Variants in CORIN observed in about 807,000 individuals in gnomAD.
CORIN encodes corin, serine peptidase.
A neutral mutation model predicts 125.3 loss-of-function variants in CORIN; 117 were observed. The ratio of observed to expected loss-of-function variants is 0.93; its 90% CI spans 0.80 to 1.09. The LOEUF (loss-of-function observed/expected upper bound fraction) is 1.09. Among genes scored for constraint, CORIN ranks in the 50% least tolerant of loss-of-function variants. CORIN has a pLI of 0.00. For synonymous variants in CORIN, 450 were observed against 466.4 expected (o/e 0.96, Z 0.45); for missense variants, 1,253 against 1,306.7 (o/e 0.96, Z 0.63).
Position 47,595,758 on chromosome 4 carries a change from T to C in CORIN, c.3092A>G (p.Lys1031Arg). 6.2e-7 allele frequency: 1 copy of C among 1,612,346 alleles called. No homozygotes were observed. Among genetic ancestry groups the C allele is most frequent in the African/African-American group, 1.3e-5 (1 of 74,870 alleles). ...SNVSYFVEWI[K>R]RQIYIQTFLL... ...AAAGGTCTGGATGTAAATCTGTCTT[T>C]TAATCCATTCGACGAAATATGACAC... Residue 1031 changes from lysine to arginine, a missense_variant, in exon 22 of 22, where the codon AAA becomes AGA. Transcript: ENST00000273857.
At chr4:47,763,625 T>A in intron 3 of CORIN, 39 bp from the exon 4 acceptor site, 1 of 1,531,408 alleles carries the variant, frequency 6.5e-7, no homozygotes, top group Non-Finnish European at 9.0e-7. Context: ...AGTGGACACA[T>A]CAGAAGTATA....
chr4:47,616,480 C>A (rs1354227401), intron 19 of CORIN, among the ~76,000 whole-genome samples: 1 of 152,022 alleles, frequency 6.6e-6, no homozygotes, highest in Non-Finnish European at 1.5e-5. Flanking sequence ...AAGAGTTAGT[C>A]TCTGACATAT....
chr4:47,675,998 G>T (rs1214700776), intron 9 of CORIN, among the ~76,000 whole-genome samples: 3 of 152,138 alleles, frequency 2.0e-5, no homozygotes, highest in Non-Finnish European at 4.4e-5. Flanking sequence ...ACATGCAAAG[G>T]CCTAGAATAG....
intron 2 of CORIN, among the ~76,000 whole-genome samples, chr4:47,797,066 G>A (rs1731321352): frequency 6.6e-6 from 1 of 151,940 alleles, no homozygotes; most frequent in Non-Finnish European, 1.5e-5. Flanking sequence ...ATAGCACACT[G>A]TGTTGCATAT....
chr4:47,786,272 C>A (rs138782566), intron 3 of CORIN, among the ~76,000 whole-genome samples: 1 of 152,038 alleles, frequency 6.6e-6, no homozygotes, highest in South Asian at 2.1e-4. Flanking sequence ...CGGTGGCTCA[C>A]GCCTGTAATC....
chr4:47,786,789 G>A lies in CORIN; in HGVS notation c.345C>T (p.Asp115=), dbSNP rs1324799025. The part of the protein sequence containing the change: ...QSTVVSTAHP[D]QHVPAWTTDA... ...CCGTAGTCCAGGCTGGAACGTGTTG[G>A]TCGGGATGTGCAGTAGACACCACAG... Residue 115 remains aspartate, a synonymous_variant, in exon 3 of 22, where the codon GAC becomes GAT. Transcript: ENST00000273857. 2 of 1,614,148 alleles carry A rather than the reference G, an allele frequency of 1.2e-6. No homozygotes were observed. The highest frequency in any genetic ancestry group is 1.7e-6 in the Non-Finnish European group (2 of 1,180,024).
At chr4:47,713,791 T>G (rs1374047220) in intron 5 of CORIN, among the ~76,000 whole-genome samples, 3 of 148,284 alleles carry the variant, frequency 2.0e-5, no homozygotes, top group Non-Finnish European at 4.4e-5. Context: ...TTTTTAATGT[T>G]TTTTTTTAAA....
In CORIN at chr4:47,763,544, G is replaced by A. The variant is rs780111109; in HGVS notation, c.452C>T (p.Pro151Leu). The stretch of plus-strand genomic sequence containing the variant: ...GAGAGGTGTCAGCGTGGCGTGGTAG[G>A]GCAGCATCTGACACTGGCTGTGGGT... ...NITHSQCQMLPYHATLTPLLS... is the reference protein window; with the variant it reads ...NITHSQCQMLLYHATLTPLLS... Residue 151 changes from proline to leucine, a missense_variant, in exon 4 of 22, where the codon CCC becomes CTC. Pro to Leu is a moderately conservative substitution (Grantham distance 98). Coordinates refer to ENST00000273857, the MANE Select transcript of CORIN (RefSeq NM_006587.4). 3.7e-6 allele frequency: 6 copies of A among 1,614,108 alleles called. No individual in the cohort carries two copies. The African/African-American group carries it at 6.7e-5, about 18-fold the overall frequency.
intron 3 of CORIN, among the ~76,000 whole-genome samples, chr4:47,775,247 C>T: frequency 6.6e-6 from 1 of 150,868 alleles, no homozygotes; most frequent in Non-Finnish European, 1.5e-5. Context: ...ACTTTAAGTT[C>T]TAGGGTACAT....
At chr4:47,732,370 C>T (rs1261325484) in intron 5 of CORIN, among the ~76,000 whole-genome samples, 1 of 152,142 alleles carries the variant, frequency 6.6e-6, no homozygotes. Context: ...AACCCCACAT[C>T]TCTTCTCCTA....
At chr4:47,762,983 G>A (rs1729536992) in intron 4 of CORIN, among the ~76,000 whole-genome samples, 1 of 152,032 alleles carries the variant, frequency 6.6e-6, no homozygotes, top group South Asian at 2.1e-4. Flanking sequence ...TCAATCTTGG[G>A]TGGTGGAACT....
intron 16 of CORIN, among the ~76,000 whole-genome samples, chr4:47,629,570 A>G (rs1258769518): frequency 1.3e-5 from 2 of 152,224 alleles, no homozygotes; most frequent in East Asian, 3.8e-4. Context: ...CAACAATTAT[A>G]AAATGAAAAA....
At chr4:47,819,405 T>C (rs568604941) in intron 1 of CORIN, among the ~76,000 whole-genome samples, 22 of 151,998 alleles carry the variant, frequency 1.4e-4, no homozygotes, top group African/African-American at 5.3e-4. Context: ...AAAATATAGA[T>C]AGGAAATGAC....
In CORIN at chr4:47,752,066, C is replaced by T. The variant is rs555898078; in HGVS notation, c.618-7483G>A. On this transcript the variant is annotated intron_variant, in intron 4 of 21. Coordinates refer to ENST00000273857, the MANE Select transcript of CORIN (RefSeq NM_006587.4). ...ATTATGACAGGATGCTCAGTATATC[C>T]GGCTCTCCCTCACCTCCCGGACTTC... is the stretch of plus-strand genomic sequence containing the variant. 6.6e-4 allele frequency among the ~76,000 whole-genome samples: 100 copies of T among 152,074 alleles called. 1 individual carries two copies. Among genetic ancestry groups the T allele is most frequent in the African/African-American group, 2.2e-3 (90 of 41,472 alleles).
intron 2 of CORIN, among the ~76,000 whole-genome samples, chr4:47,795,031 A>G (rs1408466618): frequency 6.6e-6 from 1 of 152,140 alleles, no homozygotes; most frequent in Non-Finnish European, 1.5e-5. Flanking sequence ...TCCTAACACC[A>G]TTTGTCAAAG....
At chr4:47,615,339 T>C (rs1047231367) in intron 19 of CORIN, among the ~76,000 whole-genome samples, 2 of 152,202 alleles carry the variant, frequency 1.3e-5, no homozygotes, top group Non-Finnish European at 2.9e-5. Context: ...TTCACTATCT[T>C]ACTGTGTGGA....
At chr4:47,801,797 T>G (rs571795064) in intron 2 of CORIN, among the ~76,000 whole-genome samples, 12 of 152,364 alleles carry the variant, frequency 7.9e-5, no homozygotes, top group African/African-American at 2.4e-4. Context: ...GCTCTGGGAC[T>G]TTAAATGAAC....
rs369384029 is a variant in CORIN at position 47,603,557 on chromosome 4, G to A, written c.2652C>T (p.Tyr884=). 3.7e-6 allele frequency: 6 copies of A among 1,614,078 alleles called. No individual in the cohort carries two copies. The African/African-American group carries it at 6.7e-5, about 18-fold the overall frequency. ...FVKTIILHPR[Y]SRAVVDYDIS... is the part of the protein sequence containing the mutation. ...TGTCATAGTCCACCACTGCTCGACT[G>A]TAGCGGGGATGCAGGATGATGGTCT... The change falls in exon 20 of 22, where the codon TAC becomes TAT. Residue 884 remains tyrosine, a synonymous_variant. Transcript: ENST00000273857.
intron 5 of CORIN, among the ~76,000 whole-genome samples, chr4:47,721,838 G>GA (rs1727363306): frequency 6.6e-6 from 1 of 152,098 alleles, no homozygotes. Flanking sequence ...ACACTATTAG[G>GA]AAAACACCAT....
Sources: gnomAD v4.1 joint callset for allele counts (sites outside exome capture counted in the v4.1 genomes callset) on GRCh38, gnomAD v4.1.1 for gene constraint, MANE v1.5 for transcripts, NCBI Gene and HGNC (gene_info 2026-07-23, HGNC 2026-07-21) for gene names.